The following EYS variants were observed in gnomAD, a reference collection of about 807,000 sequenced individuals.
The protein encoded by EYS is EGF-like photoreceptor maintenance factor.
In EYS, 250 loss-of-function variants were observed where a neutral mutation model predicts 282.1. That is an observed-to-expected ratio of 0.89 (90% CI 0.80 to 0.98). The LOEUF is 0.98. Among genes scored for constraint, EYS ranks in the 50% least tolerant of loss-of-function variants. The pLI, the probability that EYS is intolerant of heterozygous loss-of-function variation, is 0.00. For synonymous variants in EYS, 1,355 were observed against 1,282.9 expected, an observed-to-expected ratio of 1.06 and a Z score of -1.20; for missense variants, 4,016 against 3,709.0, an observed-to-expected ratio of 1.08 and a Z score of -2.15.
intron 28 of EYS, among the ~76,000 whole-genome samples, chr6:64,413,629 T>A (rs1561981382): frequency 6.7e-6 from 1 of 149,836 alleles, no homozygotes; most frequent in East Asian, 2.0e-4. Context: ...ACAGAAAATA[T>A]CGTAAAGGTT....
At chr6:64,184,157 G>A (rs574053813) in intron 31 of EYS, among the ~76,000 whole-genome samples, 10 of 152,162 alleles carry the variant, frequency 6.6e-5, no homozygotes, top group Admixed American at 4.6e-4. Context: ...CCATTGGGTC[G>A]TTTTGCCATT....
At chr6:64,333,499 C>G (rs1254477715) in intron 29 of EYS, among the ~76,000 whole-genome samples, 1 of 152,100 alleles carries the variant, frequency 6.6e-6, no homozygotes, top group African/African-American at 2.4e-5. Context: ...TAATCAGCAA[C>G]TATACACAGG....
chr6:65,395,920 A>T lies in EYS; in HGVS notation c.1184+6558T>A, dbSNP rs114987617. Among the ~76,000 whole-genome samples, 1,401 of 152,246 alleles carry T rather than the reference A, an allele frequency of 9.2e-3. 31 individuals are homozygous for T. Among genetic ancestry groups the T allele is most frequent in the African/African-American group, 0.032 (1,320 of 41,540 alleles). On this transcript the variant is annotated intron_variant, in intron 7 of 42. Coordinates refer to ENST00000503581, the MANE Select transcript of EYS (RefSeq NM_001142800.2). ...GTTTCTATGACTTTGACTTTTAAAAATTTTACATATTAGTTAGATGATACA... is the reference window on the plus strand; with the variant it reads ...GTTTCTATGACTTTGACTTTTAAAATTTTTACATATTAGTTAGATGATACA...
chr6:65,521,255 G>A (rs1217466579), intron 2 of EYS, among the ~76,000 whole-genome samples: 1 of 152,058 alleles, frequency 6.6e-6, no homozygotes, highest in Non-Finnish European at 1.5e-5. Context: ...CAGTACTTAA[G>A]TACAGAGGCT....
chr6:65,252,604 CAACTGAT>C (rs1307332433), intron 12 of EYS, among the ~76,000 whole-genome samples: 1 of 151,868 alleles, frequency 6.6e-6, no homozygotes, highest in Non-Finnish European at 1.5e-5. Context: ...AGAAAAATAT[CAACTGAT>C]ATGGGAAAAG....
chr6:64,113,025 C>T (rs1773259101), intron 31 of EYS, among the ~76,000 whole-genome samples: 1 of 151,892 alleles, frequency 6.6e-6, no homozygotes, highest in South Asian at 2.1e-4. Context: ...TCTATCTGTT[C>T]CTTAAGGTTA....
intron 12 of EYS, among the ~76,000 whole-genome samples, chr6:65,140,534 T>C (rs949599613): frequency 4.6e-5 from 7 of 151,588 alleles, no homozygotes; most frequent in Admixed American, 1.3e-4. Context: ...CAAAAGAAAC[T>C]ACCATCAGAG....
At chr6:63,964,241 T>C (rs1298651843) in intron 35 of EYS, among the ~76,000 whole-genome samples, 1 of 152,210 alleles carries the variant, frequency 6.6e-6, no homozygotes, top group Non-Finnish European at 1.5e-5. Flanking sequence ...GAGTATTGTA[T>C]AAGTCAGCAG....
intron 2 of EYS, among the ~76,000 whole-genome samples, chr6:65,575,388 T>C (rs976229656): frequency 8.0e-5 from 12 of 150,242 alleles, no homozygotes; most frequent in Non-Finnish European, 1.3e-4. Flanking sequence ...AAAAATATCT[T>C]CAGAGAAACA....
In EYS at chr6:64,683,351, A is replaced by G. The variant is rs145129558; in HGVS notation, c.3444-57106T>C. Among the ~76,000 whole-genome samples the G allele has an allele frequency of 9.6e-4, 147 of 152,360 alleles. 4 individuals are homozygous for G. In the East Asian group the frequency reaches 0.025, roughly 26 times the overall value. ...TCAATATATTTAAGGAGTTAAAAAA[A>G]AGGCTAGGGCCACATGAATTAACAG... On this transcript the variant is annotated intron_variant, in intron 22 of 42. Coordinates refer to ENST00000503581, the MANE Select transcript of EYS (RefSeq NM_001142800.2).
chr6:65,442,263 G>C (rs971941637), intron 5 of EYS, among the ~76,000 whole-genome samples: 4 of 151,726 alleles, frequency 2.6e-5, no homozygotes, highest in African/African-American at 7.3e-5. Context: ...ATATCTTATA[G>C]TCAATATTCA....
chr6:65,444,495 C>T (rs181304831), intron 5 of EYS, among the ~76,000 whole-genome samples: 52 of 152,150 alleles, frequency 3.4e-4, no homozygotes, highest in East Asian at 3.1e-3. Context: ...GGCAGCTTAG[C>T]GGAAAGGTCA....
intron 26 of EYS, among the ~76,000 whole-genome samples, chr6:64,568,489 C>T (rs1312770108): frequency 6.6e-6 from 1 of 152,210 alleles, no homozygotes; most frequent in Non-Finnish European, 1.5e-5. Context: ...CAGTCAGGGA[C>T]TTACAGATAA....
chr6:64,629,338 T>C (rs1767708499), intron 22 of EYS, among the ~76,000 whole-genome samples: 1 of 152,094 alleles, frequency 6.6e-6, no homozygotes, highest in African/African-American at 2.4e-5. Context: ...AGATGAGAAG[T>C]CATGCACACC....
At chr6:65,697,617 A>C (rs1234248850) in intron 1 of EYS, among the ~76,000 whole-genome samples, 1 of 152,158 alleles carries the variant, frequency 6.6e-6, no homozygotes, top group Non-Finnish European at 1.5e-5. Flanking sequence ...AGAAGAAAAT[A>C]ACAGTATGTT....
chr6:64,596,194 C>T (rs1332434208), intron 24 of EYS, among the ~76,000 whole-genome samples: 2 of 152,046 alleles, frequency 1.3e-5, no homozygotes, highest in Non-Finnish European at 2.9e-5. Context: ...ACCCAAATTC[C>T]TCCCCCCAGG....
chr6:64,270,829 T>C (rs1002636499), intron 30 of EYS, among the ~76,000 whole-genome samples: 1 of 152,212 alleles, frequency 6.6e-6, no homozygotes, highest in Non-Finnish European at 1.5e-5. Flanking sequence ...TTCAGTTTGC[T>C]TTCCTTTATA....
intron 13 of EYS, among the ~76,000 whole-genome samples, chr6:65,052,576 C>T (rs911367268): frequency 6.6e-6 from 1 of 151,466 alleles, no homozygotes; most frequent in Non-Finnish European, 1.5e-5. Context: ...GGTATCCGAA[C>T]ATGGAAAATA....
rs1222339712 is a variant in EYS at position 64,591,758 on chromosome 6, T to C, written c.4109A>G (p.His1370Arg). 5.2e-6 allele frequency: 8 copies of C among 1,551,328 alleles called. No individual in the cohort carries two copies. The highest frequency in any genetic ancestry group is 1.2e-5 in the South Asian group (1 of 84,062). The change falls in exon 26 of 43, where the codon CAT (histidine) becomes CGT (arginine). Residue 1370 changes from histidine (H) to arginine (R), a missense_variant. Physicochemically the swap from His to Arg is conservative, Grantham distance 29 (BLOSUM62 0). Transcript: ENST00000503581. ...GGCTGCTGAAGTTCGAATAGGCATA[T>C]GTGATACCGATGTTTTGTCCTGGAC... ...QIVQDKTSVS[H>R]MPIRTSAATL...
Sources: allele counts gnomAD v4.1 joint callset (sites outside exome capture counted in the v4.1 genomes callset), GRCh38; gene constraint gnomAD v4.1.1; transcripts MANE v1.5; gene names NCBI Gene and HGNC (gene_info 2026-07-23, HGNC 2026-07-21).